The following ICAM5 variants were observed in gnomAD, a reference collection of about 807,000 sequenced individuals.
The protein encoded by ICAM5 is intercellular adhesion molecule 5, also known as ICAM-5.
In ICAM5, 38 loss-of-function variants were observed where a neutral mutation model predicts 78.8. The observed-to-expected ratio is 0.48, with a 90% CI of 0.37 to 0.63. The LOEUF is 0.63. ICAM5 is among the 30% of genes least tolerant of loss of function. The pLI, the probability that ICAM5 is intolerant of heterozygous loss-of-function variation, is 0.00. For missense variants in ICAM5, 1,059 were observed against 1,303.0 expected, an observed-to-expected ratio of 0.81 and a Z score of 2.88; for synonymous variants, 544 against 590.9, an observed-to-expected ratio of 0.92 and a Z score of 1.15.
Position 10,296,460 on chromosome 19 carries a change from GGAGGCC to G in ICAM5, c.2623_2628del (p.Ala875_Glu876del). 7.6e-7 allele frequency: 1 copy of G among 1,315,068 alleles called. No individual in the cohort carries two copies. The highest frequency in any genetic ancestry group is 9.8e-7 in the Non-Finnish European group (1 of 1,015,250). 81.5% of individuals were successfully genotyped at this position (1,315,068 alleles called of 1,614,324 possible). On this transcript the variant is annotated inframe_deletion, in exon 11 of 11. Coordinates refer to ENST00000221980, the MANE Select transcript of ICAM5 (RefSeq NM_003259.4). ...GCAAGAAGGGCGAGTACAACGTGCA[GGAGGCC>G]GAGAGCTCAGGCGAGGCCGTGTGTC...
chr19:10,291,988 A>T (rs757536996), intron 3 of ICAM5, 47 bp from the exon 4 acceptor site: 34 of 1,584,010 alleles, frequency 2.1e-5, no homozygotes, highest in Non-Finnish European at 2.9e-5. Context: ...TGCTTAGGAC[A>T]TATTGAGCGC....
rs1461561003 is a variant in ICAM5, at chr19:10,295,609, G to T, written c.2494G>T (p.Ala832Ser). ...CGCGCGGCGCATCACGGTGCGCGTG[G>T]CCGGTAAGTGGCAGCTGGGGAGAGG... is the stretch of plus-strand genomic sequence containing the variant. ...RHARRITVRV[A>S]GPWLWVAVGG... is the part of the protein sequence containing the mutation. Residue 832 changes from alanine (A) to serine (S), a missense_variant, in exon 10 of 11, where the codon GCC becomes TCC. Physicochemically the swap from Ala to Ser is moderately conservative, Grantham distance 99. Transcript: ENST00000221980. 2 of 1,539,364 alleles carry T rather than the reference G, an allele frequency of 1.3e-6. No homozygotes were observed. Among genetic ancestry groups the T allele is most frequent in the South Asian group, 1.2e-5 (1 of 83,734 alleles).
At position 10,296,676 on chromosome 19, in the gene ICAM5, T is replaced by C; in HGVS notation, c.*60T>C. 8.5e-7 allele frequency: 1 copy of C among 1,171,992 alleles called. No homozygotes were observed. Among genetic ancestry groups the C allele is most frequent in the Non-Finnish European group, 1.1e-6 (1 of 945,296 alleles). 72.6% of individuals were successfully genotyped at this position (1,171,992 alleles called of 1,614,324 possible). ...CCCCCAGACTCACACGGGGGCTTATTTATTGCTTTATTTATTTACTTATTC... is the reference window on the plus strand; with the variant it reads ...CCCCCAGACTCACACGGGGGCTTATCTATTGCTTTATTTATTTACTTATTC... On this transcript the variant is annotated 3_prime_UTR_variant, in exon 11 of 11. Coordinates refer to ENST00000221980, the MANE Select transcript of ICAM5 (RefSeq NM_003259.4).
In ICAM5 at chr19:10,292,650, G is replaced by A; in HGVS notation, c.1000G>A (p.Val334Ile). The change falls in exon 5 of 11, where the codon GTC (valine) becomes ATC (isoleucine). Residue 334 changes from valine (V) to isoleucine (I), a missense_variant. Around this residue, in one of 3 missense-constraint regions of ICAM5, gnomAD observed 815 missense variants for 952.8 expected, o/e 0.86. Transcript: ENST00000221980. ...APLLTLSEPS[V>I]SEGQMVTVTC... ...ACTCCTGACCCTGAGCGAACCCAGC[G>A]TCTCCGAGGGGCAGATGGTGACAGT... 6.3e-7 allele frequency: 1 copy of A among 1,598,268 alleles called. No individual in the cohort carries two copies. Among genetic ancestry groups the A allele is most frequent in the East Asian group, 2.2e-5 (1 of 44,744 alleles).
rs2040172605 is a variant in ICAM5 at position 10,291,563 on chromosome 19, A to C, written c.427A>C (p.Arg143=). 2.5e-6 allele frequency: 4 copies of C among 1,612,392 alleles called. No homozygotes were observed. In the East Asian group the frequency reaches 8.9e-5, roughly 36 times the overall value. Residue 143 remains arginine, a synonymous_variant, in exon 3 of 11, where the codon AGG becomes CGG. Coordinates refer to ENST00000221980, the MANE Select transcript of ICAM5 (RefSeq NM_003259.4). The part of the protein sequence containing the change: ...PVGENFTLSC[R]VPGAGPRASL... ...GGGCGAGAACTTCACCCTGAGCTGT[A>C]GGGTCCCCGGCGCCGGGCCCCGTGC...
chr19:10,295,591 C>T lies in ICAM5; in HGVS notation c.2476C>T (p.Arg826Cys). 6.5e-7 allele frequency: 1 copy of T among 1,542,904 alleles called. No individual in the cohort carries two copies. Residue 826 changes from arginine to cysteine, a missense_variant, in exon 10 of 11, where the codon CGC (arginine) becomes TGC (cysteine). Physicochemically the swap from Arg to Cys is radical, Grantham distance 180. This residue lies in a region of ICAM5 where 135 missense variants were observed against 230.2 expected (regional missense o/e 0.59). Coordinates refer to ENST00000221980, the MANE Select transcript of ICAM5 (RefSeq NM_003259.4). ...ATNAHGRHAR[R>C]ITVRVAGPWL... Reference sequence around the variant, plus strand: ...CAACGCGCACGGGCGCCACGCGCGGCGCATCACGGTGCGCGTGGCCGGTAA... The same window carrying T: ...CAACGCGCACGGGCGCCACGCGCGGTGCATCACGGTGCGCGTGGCCGGTAA...
Position 10,293,042 on chromosome 19 carries a change from T to C in ICAM5, c.1261T>C (p.Trp421Arg), listed in dbSNP as rs1240595865. Residue 421 changes from tryptophan to arginine, a missense_variant, in exon 6 of 11, where the codon TGG becomes CGG. This residue lies in a region of ICAM5 where 815 missense variants were observed against 952.8 expected (regional missense o/e 0.86). Coordinates refer to ENST00000221980, the MANE Select transcript of ICAM5 (RefSeq NM_003259.4). The surrounding 1 kb of genome is among the most constrained non-coding windows in gnomAD (Gnocchi z 5.0). ...DDSDCPRSWT[W>R]PEGPEQTLRC... ...TTCGGACTGCCCCAGGAGTTGGACG[T>C]GGCCCGAGGGCCCAGAGCAGACGCT... 1.2e-6 allele frequency: 2 copies of C among 1,610,694 alleles called. No homozygotes were observed. The highest frequency in any genetic ancestry group is 1.7e-6 in the Non-Finnish European group (2 of 1,179,988).
In ICAM5 at chr19:10,293,821, G is replaced by C; in HGVS notation, c.1589G>C (p.Gly530Ala). The C allele has an allele frequency of 1.2e-6, 2 of 1,613,396 alleles. No individual in the cohort carries two copies. The highest frequency in any genetic ancestry group is 1.7e-6 in the Non-Finnish European group (2 of 1,180,022). ...PPPDVICVRS[G>A]ELGAVIEGLL... The stretch of plus-strand genomic sequence containing the variant: ...CCTGATGTGATCTGCGTGCGCTCTG[G>C]AGAACTCGGGGCCGTCATCGAGGGG... The change falls in exon 7 of 11, where the codon GGA becomes GCA. Residue 530 changes from glycine to alanine, a missense_variant. By Grantham distance (60) the Gly-to-Ala change is moderately conservative (BLOSUM62 0). Transcript: ENST00000221980. The surrounding 1 kb of genome is among the most constrained non-coding windows in gnomAD (Gnocchi z 5.0).
chr19:10,291,318 C>G lies in ICAM5; in HGVS notation c.329C>G (p.Ala110Gly), dbSNP rs749895372. 2 of 1,609,610 alleles carry G rather than the reference C, an allele frequency of 1.2e-6. No individual in the cohort carries two copies. Among genetic ancestry groups the G allele is most frequent in the African/African-American group, 1.3e-5 (1 of 74,872 alleles). ...FFRCARRTLQ[A>G]RGLIRTFQRP... ...CGCTGCGCGCGGCGCACACTACAGG[C>G]GCGTGGGCTCATTCGCACTTTCCGT... The change falls in exon 2 of 11, where the codon GCG (alanine) becomes GGG (glycine). Residue 110 changes from alanine to glycine, a missense_variant. Physicochemically the swap from Ala to Gly is moderately conservative, Grantham distance 60. Transcript: ENST00000221980.
Position 10,294,597 on chromosome 19 carries a change from T to C in ICAM5, c.2187T>C (p.Asn729=), listed in dbSNP as rs575066789. ...DAGTYHCVAT[N]AHGTDSRTVT... Reference sequence around the variant, plus strand: ...GCACTTACCACTGTGTGGCCACCAATGCGCATGGCACGGACTCCCGGACCG... The same window carrying C: ...GCACTTACCACTGTGTGGCCACCAACGCGCATGGCACGGACTCCCGGACCG... The change falls in exon 9 of 11, where the codon AAT becomes AAC. Residue 729 remains asparagine, a synonymous_variant. Coordinates refer to ENST00000221980, the MANE Select transcript of ICAM5 (RefSeq NM_003259.4). This position sits in a 1 kb window ranked among gnomAD's most constrained non-coding sequence, Gnocchi z 7.7. The C allele has an allele frequency of 6.2e-7, 1 of 1,612,850 alleles. No individual in the cohort carries two copies. The highest frequency in any genetic ancestry group is 1.3e-5 in the African/African-American group (1 of 75,004).
chr19:10,296,295 C>T, intron 10 of ICAM5, 44 bp from the exon 11 acceptor site: 1 of 1,226,898 alleles, frequency 8.2e-7, no homozygotes, highest in Non-Finnish European at 1.0e-6. Flanking sequence ...TGGGAGAAGC[C>T]CCCCGGAGCT....
intron 4 of ICAM5, 70 bp downstream of exon 4, chr19:10,292,392 T>C: frequency 1.3e-6 from 2 of 1,486,638 alleles, no homozygotes; most frequent in Admixed American, 4.0e-5. Context: ...GGGCGAAGAG[T>C]GGGCGGGACC....
At position 10,295,678 on chromosome 19, in the gene ICAM5, C is replaced by G. The variant is rs1599282434; in HGVS notation, c.2497+66C>G. On this transcript the variant is annotated intron_variant, in intron 10 of 10. Coordinates refer to ENST00000221980, the MANE Select transcript of ICAM5 (RefSeq NM_003259.4). ...AGGGGGCGTGACCTGGGTCTTGGGGCGGCCGGCCCCGCCTGCCTCCCTCTC... is the reference window on the plus strand; with the variant it reads ...AGGGGGCGTGACCTGGGTCTTGGGGGGGCCGGCCCCGCCTGCCTCCCTCTC... 7.5e-6 allele frequency: 11 copies of G among 1,461,760 alleles called. No individual in the cohort carries two copies. In the East Asian group the frequency reaches 2.7e-4, roughly 36 times the overall value. The allele number at this position is 1,461,760 out of a possible 1,614,324, so 90.5% of individuals were successfully genotyped here.
chr19:10,290,116 G>T lies in ICAM5; in HGVS notation c.73G>T (p.Gly25Cys). 1 of 1,530,414 alleles carries T rather than the reference G, an allele frequency of 6.5e-7. No individual in the cohort carries two copies. The allele number at this position is 1,530,414 out of a possible 1,614,324, so 94.8% of individuals were successfully genotyped here. A position where few individuals can be genotyped will look rare whatever the true frequency, so the allele number is the denominator to read the frequency against. ...LWAALGLGLFGLSAVSQEPFW... is the reference protein window; with the variant it reads ...LWAALGLGLFCLSAVSQEPFW... The stretch of plus-strand genomic sequence containing the variant: ...GGCTGCTCTGGGCCTGGGGCTCTTC[G>T]GCCTCTCAGGTAAGAGCCCCGCTCT... Residue 25 changes from glycine (G) to cysteine (C), a missense_variant, in exon 1 of 11, where the codon GGC becomes TGC. Gly to Cys is a radical substitution (Grantham distance 159). Transcript: ENST00000221980. The surrounding 1 kb of genome is among the most constrained non-coding windows in gnomAD (Gnocchi z 5.7).
chr19:10,293,227 C>A lies in ICAM5; in HGVS notation c.1446C>A (p.Asp482Glu). ...ATGATCAAGGCGAGGCGGTCAAGGA[C>A]GTAACGCTAACGGTGGAGTGTGAGT... Reference protein sequence around the residue: ...AANDQGEAVKDVTLTVEYAPA... With the variant: ...AANDQGEAVKEVTLTVEYAPA... The change falls in exon 6 of 11, where the codon GAC (aspartate) becomes GAA (glutamate). Residue 482 changes from aspartate to glutamate, a missense_variant. By Grantham distance (45) the Asp-to-Glu change is conservative. Transcript: ENST00000221980. The surrounding 1 kb of genome is among the most constrained non-coding windows in gnomAD (Gnocchi z 5.0). 1 of 1,590,776 alleles carries A rather than the reference C, an allele frequency of 6.3e-7. No individual in the cohort carries two copies. The highest frequency in any genetic ancestry group is 8.6e-7 in the Non-Finnish European group (1 of 1,168,968).
Position 10,293,394 on chromosome 19 carries a change from A to C in ICAM5, c.1465+148A>C, listed in dbSNP as rs560300590. ...GAGGCTGGTTAGTGGGGTTGGAGAA[A>C]GATCTTGGAGGATGGAAGGGACCGG... On this transcript the variant is annotated intron_variant, in intron 6 of 10. Coordinates refer to ENST00000221980, the MANE Select transcript of ICAM5 (RefSeq NM_003259.4). The surrounding 1 kb of genome is among the most constrained non-coding windows in gnomAD (Gnocchi z 5.0). 1.7e-6 allele frequency: 2 copies of C among 1,171,522 alleles called. No homozygotes were observed. The highest frequency in any genetic ancestry group is 5.8e-5 in the Admixed American group (2 of 34,208). 72.6% of individuals were successfully genotyped at this position (1,171,522 alleles called of 1,614,324 possible).
chr19:10,293,257 G>T lies in ICAM5; in HGVS notation c.1465+11G>T, dbSNP rs577723443. ...CGCTAACGGTGGAGTGTGAGTGGGG[G>T]TGCGCAGGGTGCATTTCTATCTGGT... On this transcript the variant is annotated intron_variant, in intron 6 of 10. Transcript: ENST00000221980. This position sits in a 1 kb window ranked among gnomAD's most constrained non-coding sequence, Gnocchi z 5.0. 13 of 1,562,776 alleles carry T rather than the reference G, an allele frequency of 8.3e-6. No individual in the cohort carries two copies. The highest frequency in any genetic ancestry group is 2.4e-5 in the South Asian group (2 of 83,144).
At position 10,295,363 on chromosome 19, in the gene ICAM5, G is replaced by A. The variant is rs770184795; in HGVS notation, c.2248G>A (p.Glu750Lys). 6 of 1,567,550 alleles carry A rather than the reference G, an allele frequency of 3.8e-6. No individual in the cohort carries two copies. The highest frequency in any genetic ancestry group is 5.2e-6 in the Non-Finnish European group (6 of 1,160,928). ...CCCTTCAGACCGGCCAGTGGTGGCC[G>A]AACTTGCTGCCTCGCCCCCTGGAGG... ...VGVEYRPVVA[E>K]LAASPPGGVR... is the part of the protein sequence containing the mutation. Residue 750 changes from glutamate to lysine, a missense_variant, in exon 10 of 11, where the codon GAA (glutamate) becomes AAA (lysine). By Grantham distance (56) the Glu-to-Lys change is moderately conservative. Coordinates refer to ENST00000221980, the MANE Select transcript of ICAM5 (RefSeq NM_003259.4).
chr19:10,296,402 C>A lies in ICAM5; in HGVS notation c.2561C>A (p.Ala854Asp). Residue 854 changes from alanine (A) to aspartate (D), a missense_variant, in exon 11 of 11, where the codon GCC (alanine) becomes GAC (aspartate). Coordinates refer to ENST00000221980, the MANE Select transcript of ICAM5 (RefSeq NM_003259.4). ...GGCGCGGCGCTGCTGGCCGCGGGGG[C>A]CGGCCTGGCCTTCTACGTGCAGTCC... ...AGGAALLAAG[A>D]GLAFYVQSTA... 2 of 1,275,186 alleles carry A rather than the reference C, an allele frequency of 1.6e-6. No individual in the cohort carries two copies. Among genetic ancestry groups the A allele is most frequent in the Non-Finnish European group, 1.0e-6 (1 of 1,002,408 alleles). The allele number at this position is 1,275,186 out of a possible 1,614,324, so 79.0% of individuals were successfully genotyped here. A position where few individuals can be genotyped will look rare whatever the true frequency, so the allele number is the denominator to read the frequency against.
Sources: allele counts gnomAD v4.1 joint callset, GRCh38; gene constraint gnomAD v4.1.1; regional missense constraint gnomAD v4.1.1; non-coding constraint Gnocchi (gnomAD v3.1); transcripts MANE v1.5; gene names NCBI Gene and HGNC (gene_info 2026-07-23, HGNC 2026-07-21).